The following PEMT variants were observed in gnomAD, a reference collection of about 807,000 sequenced individuals.
The protein encoded by PEMT is phospholipid methyltransferase.
In PEMT, 23 loss-of-function variants were observed where a neutral mutation model predicts 27.4. That is an observed-to-expected ratio of 0.84 (90% CI 0.60 to 1.19). The LOEUF (loss-of-function observed/expected upper bound fraction) is 1.19. PEMT is among the 50% of genes most tolerant of loss of function. PEMT has a pLI of 0.00. For missense variants in PEMT, 307 were observed against 310.1 expected (o/e 0.99, Z 0.07); for synonymous variants, 137 against 139.1 (o/e 0.98, Z 0.11).
At chr17:17,539,341 C>T (rs965232107) in intron 2 of PEMT, among the ~76,000 whole-genome samples, 2 of 152,170 alleles carry the variant, frequency 1.3e-5, no homozygotes, top group African/African-American at 4.8e-5. Flanking sequence ...CACTTCCAGC[C>T]AGCTCCAGGC....
At chr17:17,521,769 G>A (rs895609721) in intron 3 of PEMT, among the ~76,000 whole-genome samples, 1 of 152,140 alleles carries the variant, frequency 6.6e-6, no homozygotes, top group African/African-American at 2.4e-5. Flanking sequence ...GTTTCATCAT[G>A]TTGGCCAGGG....
intron 1 of PEMT, among the ~76,000 whole-genome samples, chr17:17,586,291 A>AG (rs1219939322): frequency 0.02 from 2,198 of 111,338 alleles, 33 homozygotes; most frequent in African/African-American, 0.062. Context: ...AAAGAAAGAA[A>AG]AAAAAAAACG....
At chr17:17,567,892 G>A (rs1341772133) in intron 2 of PEMT, among the ~76,000 whole-genome samples, 2 of 152,248 alleles carry the variant, frequency 1.3e-5, no homozygotes, top group South Asian at 4.1e-4. Flanking sequence ...AGAGGACGAC[G>A]CTTTCTGGTC....
intron 1 of PEMT, among the ~76,000 whole-genome samples, chr17:17,584,222 C>T (rs761989679): frequency 5.3e-5 from 8 of 152,180 alleles, no homozygotes; most frequent in Non-Finnish European, 8.8e-5. Context: ...TACAGTGGCG[C>T]GATCTCTGCT....
chr17:17,531,594 G>A (rs1878901749), intron 2 of PEMT, among the ~76,000 whole-genome samples: 1 of 113,812 alleles, frequency 8.8e-6, no homozygotes, highest in Non-Finnish European at 1.6e-5. Context: ...TTCCACAGAT[G>A]CCACTGGAAC....
chr17:17,550,075 G>A (rs1190877121), intron 2 of PEMT, among the ~76,000 whole-genome samples: 1 of 152,196 alleles, frequency 6.6e-6, no homozygotes, highest in East Asian at 1.9e-4. Flanking sequence ...TGATAGCGGG[G>A]GGGATCAGCA....
At chr17:17,534,229 C>T (rs1342897166) in intron 2 of PEMT, among the ~76,000 whole-genome samples, 2 of 152,174 alleles carry the variant, frequency 1.3e-5, no homozygotes, top group African/African-American at 2.4e-5. Flanking sequence ...AAACAAACTA[C>T]GGTGAATGGA....
chr17:17,577,915 A>G (rs1025117503), intron 1 of PEMT, among the ~76,000 whole-genome samples: 5 of 151,100 alleles, frequency 3.3e-5, no homozygotes, highest in South Asian at 2.1e-4. Context: ...TACTCAGGAG[A>G]CTGAGGCAGG....
At chr17:17,549,674 A>G (rs1297593907) in intron 2 of PEMT, among the ~76,000 whole-genome samples, 1 of 152,252 alleles carries the variant, frequency 6.6e-6, no homozygotes, top group Non-Finnish European at 1.5e-5. Context: ...TTGCAAAAAC[A>G]GCACAGGGCA....
At chr17:17,549,477 A>G (rs1567712029) in intron 2 of PEMT, among the ~76,000 whole-genome samples, 1 of 152,042 alleles carries the variant, frequency 6.6e-6, no homozygotes, top group Non-Finnish European at 1.5e-5. Context: ...TGTGACTTTT[A>G]TATTTTTTTG....
In PEMT at chr17:17,582,588, G is replaced by C. The variant is rs1022828636; in HGVS notation, c.97-5561C>G. Among the ~76,000 whole-genome samples the C allele has an allele frequency of 6.6e-6, 1 of 152,180 alleles. No individual in the cohort carries two copies. Among genetic ancestry groups the C allele is most frequent in the African/African-American group, 2.4e-5 (1 of 41,444 alleles). On this transcript the variant is annotated intron_variant, in intron 1 of 6. Coordinates refer to ENST00000255389, the MANE Select transcript of PEMT (RefSeq NM_148172.3). The surrounding 1 kb of genome is among the most constrained non-coding windows in gnomAD (Gnocchi z 4.9). ...GCTGGAGAGGGGACAGGTCCTCCTGGGATCCATCACCCCTGCAGAATCTGC... is the reference window on the plus strand; with the variant it reads ...GCTGGAGAGGGGACAGGTCCTCCTGCGATCCATCACCCCTGCAGAATCTGC...
chr17:17,553,904 G>A (rs113272840), intron 2 of PEMT, among the ~76,000 whole-genome samples: 2,269 of 152,278 alleles, frequency 0.015, 51 homozygotes, highest in African/African-American at 0.048. Flanking sequence ...GGAACCACTC[G>A]CCCTCCCTCC....
chr17:17,544,090 TC>T (rs1231420890), intron 2 of PEMT, among the ~76,000 whole-genome samples: 1 of 150,918 alleles, frequency 6.6e-6, no homozygotes, highest in African/African-American at 2.4e-5. Flanking sequence ...TGGACGGGGG[TC>T]AGGAAAGTTG....
Position 17,513,020 on chromosome 17 carries a change from A to G in PEMT, c.321-366T>C, listed in dbSNP as rs1906535985. Among the ~76,000 whole-genome samples, 1 of 152,214 alleles carries G rather than the reference A, an allele frequency of 6.6e-6. No homozygotes were observed. Among genetic ancestry groups the G allele is most frequent in the African/African-American group, 2.4e-5 (1 of 41,456 alleles). On this transcript the variant is annotated intron_variant, in intron 3 of 6. Transcript: ENST00000255389. The surrounding 1 kb of genome is among the most constrained non-coding windows in gnomAD (Gnocchi z 4.1). ...CAGCTTGCAAACTCTCATCCTGTCC[A>G]ATGAGCAACTCATACTATGGAGGAA... is the stretch of plus-strand genomic sequence containing the variant.
intron 2 of PEMT, chr17:17,570,650 T>C (rs1911131037): frequency 1.0e-6 from 1 of 985,260 alleles, no homozygotes; most frequent in Non-Finnish European, 1.2e-6. Context: ...AGACCTGGGA[T>C]GACTGAGGAT....
intron 2 of PEMT, among the ~76,000 whole-genome samples, chr17:17,571,695 G>C (rs754924591): frequency 6.9e-6 from 1 of 145,766 alleles, no homozygotes; most frequent in East Asian, 2.0e-4. Flanking sequence ...CTCACACACA[G>C]TCTGTTTTGT....
At chr17:17,571,386 G>A (rs964778721) in intron 2 of PEMT, among the ~76,000 whole-genome samples, 2 of 152,114 alleles carry the variant, frequency 1.3e-5, no homozygotes, top group Non-Finnish European at 2.9e-5. Context: ...AGAGAAGGCC[G>A]GGAAAGCCTC....
At chr17:17,591,302 C>G in intron 1 of PEMT, 1 of 547,054 alleles carries the variant, frequency 1.8e-6, no homozygotes, top group Non-Finnish European at 3.3e-6. Context: ...AGGAACGCCC[C>G]CGTCTCTGAC....
chr17:17,573,253 G>A (rs1911336606), intron 2 of PEMT, among the ~76,000 whole-genome samples: 1 of 151,714 alleles, frequency 6.6e-6, no homozygotes, highest in Non-Finnish European at 1.5e-5. Flanking sequence ...GGGAGGCCGA[G>A]TCAGGTGGAT....
Sources: allele counts gnomAD v4.1 joint callset (sites outside exome capture counted in the v4.1 genomes callset), GRCh38; gene constraint gnomAD v4.1.1; non-coding constraint Gnocchi (gnomAD v3.1); transcripts MANE v1.5; gene names NCBI Gene and HGNC (gene_info 2026-07-23, HGNC 2026-07-21).